The following LRRC4C variants were observed in gnomAD, a reference collection of about 807,000 sequenced individuals.
LRRC4C encodes leucine-rich repeat-containing protein 4C.
In LRRC4C, 5 loss-of-function variants were observed where a neutral mutation model predicts 33.6. The observed-to-expected ratio is 0.15, with a 90% CI of 0.08 to 0.31. LRRC4C has a LOEUF of 0.31. Ranked by LOEUF, LRRC4C falls within the 10% of genes least tolerant of loss-of-function variation. The probability of loss-of-function intolerance (pLI) is 1.00; values close to 1 mark genes in which losing one functional copy is unlikely to be tolerated. For synonymous variants in LRRC4C, 329 were observed against 302.0 expected (o/e 1.09, Z -0.93); for missense variants, 560 against 796.7 (o/e 0.70, Z 3.58).
chr11:40,911,889 C>T (rs1316435443), intron 2 of LRRC4C, among the ~76,000 whole-genome samples: 4 of 152,130 alleles, frequency 2.6e-5, no homozygotes, highest in East Asian at 1.9e-4. Context: ...ACAAGAACTA[C>T]GTGATGAATG....
intron 3 of LRRC4C, among the ~76,000 whole-genome samples, chr11:40,545,344 A>T (rs1266815804): frequency 6.6e-6 from 1 of 152,066 alleles, no homozygotes; most frequent in Non-Finnish European, 1.5e-5. Context: ...TAATAGAGAA[A>T]AAAGCAACTC....
At chr11:41,437,775 C>A (rs1440670608) in intron 1 of LRRC4C, among the ~76,000 whole-genome samples, 2 of 152,136 alleles carry the variant, frequency 1.3e-5, no homozygotes, top group Non-Finnish European at 2.9e-5. Flanking sequence ...CCCTGGCTTA[C>A]GCCTGTAATC....
chr11:40,119,844 C>G lies in LRRC4C; in HGVS notation c.-42-3510G>C, dbSNP rs374791341. Among the ~76,000 whole-genome samples the G allele has an allele frequency of 6.0e-4, 92 of 152,244 alleles. 3 individuals carry two copies. The South Asian group carries it at 0.018, about 29-fold the overall frequency. ...GTCAAACCCCAGTCACCTTCTTTATCAGGTTCTCCCAGGACTCTTAACACT... is the reference window on the plus strand; with the variant it reads ...GTCAAACCCCAGTCACCTTCTTTATGAGGTTCTCCCAGGACTCTTAACACT... On this transcript the variant is annotated intron_variant, in intron 6 of 6. Transcript: ENST00000528697.
intron 1 of LRRC4C, among the ~76,000 whole-genome samples, chr11:41,191,329 A>G (rs761314259): frequency 6.6e-6 from 1 of 152,170 alleles, no homozygotes; most frequent in Non-Finnish European, 1.5e-5. Context: ...TATGCCATGC[A>G]AAAACGTTCC....
intron 1 of LRRC4C, among the ~76,000 whole-genome samples, chr11:41,269,422 G>T (rs1017318310): frequency 3.3e-5 from 5 of 151,954 alleles, no homozygotes; most frequent in African/African-American, 9.7e-5. Flanking sequence ...GTGACCCTGA[G>T]ATTTCACAAA....
chr11:41,067,151 T>A (rs954397326), intron 1 of LRRC4C, among the ~76,000 whole-genome samples: 1 of 152,174 alleles, frequency 6.6e-6, no homozygotes, highest in South Asian at 2.1e-4. Context: ...GACCCATCAA[T>A]GTGCGGTATT....
chr11:40,821,049 A>T (rs899113175), intron 2 of LRRC4C, among the ~76,000 whole-genome samples: 5 of 151,742 alleles, frequency 3.3e-5, no homozygotes, highest in African/African-American at 1.2e-4. Flanking sequence ...AAACAATATT[A>T]CTCACAATAT....
chr11:40,359,230 A>C (rs1237346807), intron 3 of LRRC4C, among the ~76,000 whole-genome samples: 1 of 152,240 alleles, frequency 6.6e-6, no homozygotes, highest in Admixed American at 6.5e-5. Context: ...GGCCTTCATT[A>C]GAATAGCAAG....
chr11:41,437,446 C>A (rs1365824334), intron 1 of LRRC4C, among the ~76,000 whole-genome samples: 1 of 151,378 alleles, frequency 6.6e-6, no homozygotes, highest in Non-Finnish European at 1.5e-5. Flanking sequence ...CACACACACA[C>A]CAGTTGCAGG....
At chr11:41,109,629 T>C (rs1941712839) in intron 1 of LRRC4C, among the ~76,000 whole-genome samples, 1 of 152,092 alleles carries the variant, frequency 6.6e-6, no homozygotes, top group African/African-American at 2.4e-5. Flanking sequence ...TTAAAAACAA[T>C]ATCTAAAAAG....
chr11:41,170,495 G>C (rs1382641370), intron 1 of LRRC4C, among the ~76,000 whole-genome samples: 1 of 152,146 alleles, frequency 6.6e-6, no homozygotes, highest in Non-Finnish European at 1.5e-5. Context: ...ACAAAAACAA[G>C]AAATGGGGAA....
intron 1 of LRRC4C, among the ~76,000 whole-genome samples, chr11:41,064,620 C>A (rs996273517): frequency 6.6e-6 from 1 of 152,146 alleles, no homozygotes; most frequent in Admixed American, 6.5e-5. Context: ...CAAATTGTGA[C>A]CCACCAGGGG....
intron 2 of LRRC4C, among the ~76,000 whole-genome samples, chr11:40,666,109 C>A (rs1004960967): frequency 2.0e-5 from 3 of 152,042 alleles, no homozygotes; most frequent in South Asian, 2.1e-4. Flanking sequence ...GATAAATGTT[C>A]TACGGTACAG....
At chr11:40,391,829 T>G (rs1171029639) in intron 3 of LRRC4C, among the ~76,000 whole-genome samples, 1 of 152,178 alleles carries the variant, frequency 6.6e-6, no homozygotes, top group Non-Finnish European at 1.5e-5. Flanking sequence ...TATGTCCACA[T>G]AAAAACCTGT....
At chr11:41,025,669 G>C (rs1161310792) in intron 1 of LRRC4C, among the ~76,000 whole-genome samples, 1 of 151,830 alleles carries the variant, frequency 6.6e-6, no homozygotes, top group African/African-American at 2.4e-5. Context: ...GCTACAGCAA[G>C]TTATCCAGAA....
At chr11:41,219,868 A>G (rs11036296) in intron 1 of LRRC4C, among the ~76,000 whole-genome samples, 6,268 of 152,280 alleles carry the variant, frequency 0.041, 194 homozygotes, top group African/African-American at 0.083. Flanking sequence ...TAAAAATACT[A>G]CAAAGGAAGC....
intron 1 of LRRC4C, among the ~76,000 whole-genome samples, chr11:41,409,128 A>C (rs1954361667): frequency 6.6e-6 from 1 of 152,038 alleles, no homozygotes; most frequent in Non-Finnish European, 1.5e-5. Flanking sequence ...CTTCCTTTGC[A>C]CTTGTTCATT....
chr11:41,425,008 T>C (rs903645984), intron 1 of LRRC4C, among the ~76,000 whole-genome samples: 3 of 152,086 alleles, frequency 2.0e-5, no homozygotes, highest in East Asian at 3.9e-4. Context: ...AAAATTAAAA[T>C]GTACAAGATT....
chr11:40,986,440 A>G (rs1853001793), intron 1 of LRRC4C, among the ~76,000 whole-genome samples: 1 of 152,190 alleles, frequency 6.6e-6, no homozygotes, highest in Non-Finnish European at 1.5e-5. Context: ...TCCACTAAAA[A>G]TAAAAAATAT....
Sources: gnomAD v4.1 joint callset for allele counts (sites outside exome capture counted in the v4.1 genomes callset) on GRCh38, gnomAD v4.1.1 for gene constraint, MANE v1.5 for transcripts, NCBI Gene and HGNC (gene_info 2026-07-23, HGNC 2026-07-21) for gene names.